The following SPG11 variants were observed in gnomAD, a reference collection of about 807,000 sequenced individuals.
The protein encoded by SPG11 is SPG11 vesicle trafficking associated, spatacsin, also known as spatacsin.
Under a neutral mutation model 274.0 loss-of-function variants are expected in SPG11, and 222 were observed. That is an observed-to-expected ratio of 0.81 (90% CI 0.73 to 0.91). The LOEUF (loss-of-function observed/expected upper bound fraction) is 0.91, where lower values mean the gene tolerates loss of function less well. Among genes scored for constraint, SPG11 ranks in the 40% least tolerant of loss-of-function variants. SPG11 has a pLI of 0.00. For missense variants in SPG11, 3,114 were observed against 2,872.7 expected, an observed-to-expected ratio of 1.08 and a Z score of -1.92; for synonymous variants, 1,144 against 1,039.7, an observed-to-expected ratio of 1.10 and a Z score of -1.93.
chr15:44,595,222 C>T (rs1486466898), intron 26 of SPG11, 37 bp downstream of exon 26: 1 of 1,599,108 alleles, frequency 6.3e-7, no homozygotes, highest in East Asian at 2.2e-5. Context: ...GAAGTAATCT[C>T]TTAAGCTCTG....
intron 25 of SPG11, 40 bp downstream of exon 25, chr15:44,596,040 ATTG>A (rs1567148327): frequency 6.2e-7 from 1 of 1,610,032 alleles, no homozygotes; most frequent in East Asian, 2.2e-5. Context: ...TACTTATTCT[ATTG>A]TTCTCTGGGT....
chr15:44,635,965 T>G (rs1294706412), intron 7 of SPG11, among the ~76,000 whole-genome samples: 4 of 151,482 alleles, frequency 2.6e-5, no homozygotes. Context: ...CATAAAGCAG[T>G]GTGCATAAGA....
chr15:44,651,855 C>T lies in SPG11; in HGVS notation c.1092G>A (p.Gln364=). ...LEVSCCAPWF[Q]DILHLESPES... The stretch of plus-strand genomic sequence containing the variant: ...CAGGTGACTCCAAATGCAAAATATC[C>T]TGGAACCATGGAGCACAACAGGAAA... The change falls in exon 6 of 40, where the codon CAG becomes CAA. Residue 364 remains glutamine, a synonymous_variant. Transcript: ENST00000261866. 6.2e-7 allele frequency: 1 copy of T among 1,613,862 alleles called. No individual in the cohort carries two copies. Among genetic ancestry groups the T allele is most frequent in the Admixed American group, 1.7e-5 (1 of 60,006 alleles).
At chr15:44,601,541 G>A (rs964324932) in intron 20 of SPG11, among the ~76,000 whole-genome samples, 3 of 149,490 alleles carry the variant, frequency 2.0e-5, no homozygotes, top group Admixed American at 6.7e-5. Flanking sequence ...GATTACATGC[G>A]TGCGCCCAGC....
chr15:44,628,968 TC>T, intron 9 of SPG11, 124 bp from the exon 10 acceptor site: 1 of 1,021,308 alleles, frequency 9.8e-7, no homozygotes, highest in Admixed American at 2.0e-5. Context: ...AAACAATATG[TC>T]TGAGGATTTT....
intron 7 of SPG11, among the ~76,000 whole-genome samples, chr15:44,635,755 A>G (rs557165803): frequency 1.3e-4 from 19 of 151,912 alleles, no homozygotes; most frequent in African/African-American, 4.3e-4. Flanking sequence ...TGTCTTTACT[A>G]AAAATACAAA....
At chr15:44,659,032 G>GTTC in intron 3 of SPG11, 47 bp downstream of exon 3, 1 of 1,572,132 alleles carries the variant, frequency 6.4e-7, no homozygotes, top group Non-Finnish European at 8.8e-7. Context: ...CTTTATAGGT[G>GTTC]TTCTTCTCCT....
chr15:44,592,265 C>G (rs1003183035), intron 27 of SPG11, 66 bp downstream of exon 27: 1 of 993,954 alleles, frequency 1.0e-6, no homozygotes, highest in South Asian at 1.3e-5. Flanking sequence ...TAAACAAAAA[C>G]AAAAAAGTCC....
chr15:44,609,735 C>CTTT (rs752969781), intron 18 of SPG11, among the ~76,000 whole-genome samples: 1 of 140,864 alleles, frequency 7.1e-6, no homozygotes, highest in Non-Finnish European at 1.6e-5. Flanking sequence ...CCCCGCCCAG[C>CTTT]TTTTTTTTTT....
At position 44,652,157 on chromosome 15, in the gene SPG11, G is replaced by T; in HGVS notation, c.979C>A (p.Leu327Met). The change falls in exon 5 of 40, where the codon CTG becomes ATG. Residue 327 changes from leucine to methionine, a missense_variant. Transcript: ENST00000261866. ...DPVNSAYNMK[L>M]AKFSFQIDRS... ...TCAATTTGGAAGGAAAACTTGGCCA[G>T]TTTCATGTTGTAGGCAGAGTTAACA... 6.2e-7 allele frequency: 1 copy of T among 1,614,164 alleles called. No homozygotes were observed. Among genetic ancestry groups the T allele is most frequent in the Non-Finnish European group, 8.5e-7 (1 of 1,180,016 alleles).
At chr15:44,598,936 A>G in intron 21 of SPG11, 100 bp from the exon 22 acceptor site, 2 of 1,220,496 alleles carry the variant, frequency 1.6e-6, no homozygotes, top group Non-Finnish European at 2.4e-6. Flanking sequence ...AGTGCCAGCC[A>G]TGTGATTTGT....
chr15:44,658,948 T>A (rs1039401830), intron 3 of SPG11, 131 bp downstream of exon 3: 1 of 784,972 alleles, frequency 1.3e-6, no homozygotes, highest in Admixed American at 2.3e-5. Context: ...TCTTTTTCCA[T>A]GAAAAGTTTT....
At position 44,596,899 on chromosome 15, in the gene SPG11, A is replaced by T. The variant is rs312262758; in HGVS notation, c.4046T>A (p.Phe1349Tyr). 6.2e-7 allele frequency: 1 copy of T among 1,614,026 alleles called. No individual in the cohort carries two copies. Among genetic ancestry groups the T allele is most frequent in the South Asian group, 1.1e-5 (1 of 91,082 alleles). Residue 1349 changes from phenylalanine to tyrosine, a missense_variant, in exon 24 of 40, where the codon TTC becomes TAC. Physicochemically the swap from Phe to Tyr is conservative, Grantham distance 22. Coordinates refer to ENST00000261866, the MANE Select transcript of SPG11 (RefSeq NM_025137.4). ...TAGTTTCATATTGTGTAGCCTGCAGAACTGCACCACTAATGCCCATTGGCT... is the reference window on the plus strand; with the variant it reads ...TAGTTTCATATTGTGTAGCCTGCAGTACTGCACCACTAATGCCCATTGGCT... ...SSSQWALVVQ[F>Y]CRLHNMKLSI...
chr15:44,585,958 G>C, intron 28 of SPG11, 108 bp from the exon 29 acceptor site: 1 of 789,304 alleles, frequency 1.3e-6, no homozygotes, highest in Non-Finnish European at 2.0e-6. Context: ...ACATAGTAAT[G>C]TGGTTAAAGG....
In SPG11 at chr15:44,598,803, T is replaced by C. The variant is rs1377399054; in HGVS notation, c.3720A>G (p.Ile1240Met). ...AAGGTATGTGGAAGGAGGAGAGCCC[T>C]ATAACATAGGCTTCATTGCCTACTT... The part of the protein sequence containing the change: ...IQQVGNEAYV[I>M]GLSSFHIPSI... The change falls in exon 22 of 40, where the codon ATA becomes ATG. Residue 1240 changes from isoleucine (I) to methionine (M), a missense_variant. Coordinates refer to ENST00000261866, the MANE Select transcript of SPG11 (RefSeq NM_025137.4). The C allele has an allele frequency of 3.7e-6, 6 of 1,614,196 alleles. No individual in the cohort carries two copies. The highest frequency in any genetic ancestry group is 5.1e-6 in the Non-Finnish European group (6 of 1,180,026).
At chr15:44,612,147 G>C (rs2083476358) in intron 17 of SPG11, among the ~76,000 whole-genome samples, 1 of 152,080 alleles carries the variant, frequency 6.6e-6, no homozygotes, top group Non-Finnish European at 1.5e-5. Context: ...GGAAAATTCT[G>C]TTATAATATT....
chr15:44,620,848 A>G (rs1176673277), intron 14 of SPG11: 1 of 164,462 alleles, frequency 6.1e-6, no homozygotes, highest in Admixed American at 5.9e-5. Context: ...ACAGGAATGC[A>G]CCACCACACC....
chr15:44,652,365 G>T, intron 4 of SPG11, 99 bp from the exon 5 acceptor site: 1 of 1,289,794 alleles, frequency 7.8e-7, no homozygotes, highest in South Asian at 1.2e-5. Context: ...TACAGAGAAG[G>T]AATAGTACAA....
At chr15:44,622,376 CTT>C in intron 12 of SPG11, 29 bp from the exon 13 acceptor site, 1 of 1,507,582 alleles carries the variant, frequency 6.6e-7, no homozygotes, top group South Asian at 1.2e-5. Context: ...AAAGCAGTGA[CTT>C]TACAAAAAAT....
Sources: gnomAD v4.1 joint callset for allele counts (sites outside exome capture counted in the v4.1 genomes callset) on GRCh38, gnomAD v4.1.1 for gene constraint, MANE v1.5 for transcripts, NCBI Gene and HGNC (gene_info 2026-07-23, HGNC 2026-07-21) for gene names.